Variants in VSTM4 observed in about 807,000 individuals in gnomAD.
VSTM4 encodes V-set and transmembrane domain containing 4, also known as V-set and transmembrane domain-containing protein 4.
In VSTM4, 20 loss-of-function variants were observed where a neutral mutation model predicts 36.4. That is an observed-to-expected ratio of 0.55 (90% CI 0.39 to 0.80). The LOEUF is 0.80. VSTM4 is among the 30% of genes least tolerant of loss of function. The pLI is 0.00. For missense variants in VSTM4, 392 were observed against 404.5 expected, an observed-to-expected ratio of 0.97 and a Z score of 0.26; for synonymous variants, 182 against 173.9, an observed-to-expected ratio of 1.05 and a Z score of -0.37.
In VSTM4 at chr10:49,108,144, C is replaced by A; in HGVS notation, c.56-149G>T. 1.0e-5 allele frequency: 12 copies of A among 1,156,784 alleles called. No homozygotes were observed. The South Asian group carries it at 1.3e-4, about 13-fold the overall frequency. The allele number at this position is 1,156,784 out of a possible 1,614,324, so 71.7% of individuals were successfully genotyped here. ...AGAAGCAGGCGGCCCCTCACCTCTCCAGAGGAGGGGTTCTTCTGGGGGTGA... is the reference window on the plus strand; with the variant it reads ...AGAAGCAGGCGGCCCCTCACCTCTCAAGAGGAGGGGTTCTTCTGGGGGTGA... On this transcript the variant is annotated intron_variant, in intron 1 of 7. Coordinates refer to ENST00000332853, the MANE Select transcript of VSTM4 (RefSeq NM_001031746.5).
In VSTM4 at chr10:49,016,727, G is replaced by C. The variant is rs537993237; in HGVS notation, c.*2923C>G. 1 of 152,334 alleles carries C rather than the reference G, an allele frequency of 6.6e-6. No homozygotes were observed. Among genetic ancestry groups the C allele is most frequent in the East Asian group, 1.9e-4 (1 of 5,186 alleles). The allele number at this position is 152,334 out of a possible 1,614,324, so 9.4% of individuals were successfully genotyped here. A position where few individuals can be genotyped will look rare whatever the true frequency, so the allele number is the denominator to read the frequency against. ...TGGCTTTTCCTTATTTTCCCTGTGA[G>C]CTAACAGAGTGGCGGTACATTCGTA... is the stretch of plus-strand genomic sequence containing the variant. On this transcript the variant is annotated 3_prime_UTR_variant, in exon 8 of 8. Coordinates refer to ENST00000332853, the MANE Select transcript of VSTM4 (RefSeq NM_001031746.5).
chr10:49,091,719 G>C (rs1844478381), intron 2 of VSTM4, among the ~76,000 whole-genome samples: 1 of 152,184 alleles, frequency 6.6e-6, no homozygotes, highest in South Asian at 2.1e-4. Context: ...ACGCTGACAT[G>C]CTTTGTCTAG....
intron 5 of VSTM4, among the ~76,000 whole-genome samples, chr10:49,062,476 A>G (rs1343920735): frequency 6.6e-6 from 1 of 152,128 alleles, no homozygotes; most frequent in Non-Finnish European, 1.5e-5. Flanking sequence ...TTATTTTGGT[A>G]TTTAAAAATG....
intron 2 of VSTM4, among the ~76,000 whole-genome samples, chr10:49,106,932 CA>C (rs933556952): frequency 1.3e-5 from 2 of 152,196 alleles, no homozygotes; most frequent in African/African-American, 4.8e-5. Flanking sequence ...TCAAGGCTGC[CA>C]AAAGCATTTA....
intron 7 of VSTM4, among the ~76,000 whole-genome samples, chr10:49,038,464 G>T (rs879767817): frequency 2.0e-5 from 3 of 152,154 alleles, no homozygotes; most frequent in African/African-American, 4.8e-5. Flanking sequence ...GGGTGGGAGT[G>T]GGGGGTGTTT....
chr10:49,077,391 G>A, intron 3 of VSTM4, 65 bp from the exon 4 acceptor site: 1 of 1,433,078 alleles, frequency 7.0e-7, no homozygotes, highest in South Asian at 1.2e-5. Flanking sequence ...GCGCTGGCAA[G>A]AGAACAATCA....
Position 49,046,965 on chromosome 10 carries a change from C to T in VSTM4, c.837+18G>A, listed in dbSNP as rs1165914484. 4 of 1,612,466 alleles carry T rather than the reference C, an allele frequency of 2.5e-6. No homozygotes were observed. The highest frequency in any genetic ancestry group is 1.1e-5 in the South Asian group (1 of 91,030). On this transcript the variant is annotated intron_variant, in intron 7 of 7. Transcript: ENST00000332853. ...TGAGGCTTAAGGTATGATAGGAATACAGAAGACGGTTACTTACCAGCGTGA... is the reference window on the plus strand; with the variant it reads ...TGAGGCTTAAGGTATGATAGGAATATAGAAGACGGTTACTTACCAGCGTGA...
intron 4 of VSTM4, among the ~76,000 whole-genome samples, chr10:49,069,062 C>T (rs966670264): frequency 6.6e-5 from 10 of 152,004 alleles, no homozygotes; most frequent in African/African-American, 2.4e-4. Context: ...AACCATGCTG[C>T]TCACACTCTC....
chr10:49,029,874 C>A (rs1843318855), intron 7 of VSTM4, among the ~76,000 whole-genome samples: 1 of 152,236 alleles, frequency 6.6e-6, no homozygotes, highest in Non-Finnish European at 1.5e-5. Flanking sequence ...GAACCCAAGA[C>A]TTCCCAAAGA....
intron 2 of VSTM4, among the ~76,000 whole-genome samples, chr10:49,089,751 C>T (rs1489663521): frequency 3.3e-5 from 5 of 152,212 alleles, no homozygotes; most frequent in East Asian, 1.9e-4. Flanking sequence ...GCCAGATCTT[C>T]GGGAATTTTC....
At chr10:49,030,407 A>G (rs1301694948) in intron 7 of VSTM4, among the ~76,000 whole-genome samples, 1 of 152,174 alleles carries the variant, frequency 6.6e-6, no homozygotes, top group African/African-American at 2.4e-5. Context: ...GGAGGCACCA[A>G]ACGCCCCACC....
chr10:49,047,339 G>A (rs1373481362), intron 6 of VSTM4, among the ~76,000 whole-genome samples: 1 of 152,160 alleles, frequency 6.6e-6, no homozygotes, highest in Non-Finnish European at 1.5e-5. Context: ...AGTGAAGGCT[G>A]AAGCTGGGAC....
intron 1 of VSTM4, among the ~76,000 whole-genome samples, chr10:49,110,885 C>T (rs1844881223): frequency 6.6e-6 from 1 of 152,208 alleles, no homozygotes; most frequent in South Asian, 2.1e-4. Context: ...ACAGCGTAAG[C>T]ACACTAATCC....
intron 5 of VSTM4, among the ~76,000 whole-genome samples, chr10:49,049,098 C>T (rs1037275151): frequency 5.9e-5 from 9 of 152,160 alleles, no homozygotes; most frequent in African/African-American, 1.7e-4. Context: ...GGAGCTGCAC[C>T]TGGATGTGTC....
chr10:49,040,204 T>A (rs1161726253), intron 7 of VSTM4, among the ~76,000 whole-genome samples: 1 of 152,242 alleles, frequency 6.6e-6, no homozygotes, highest in Non-Finnish European at 1.5e-5. Flanking sequence ...AGCAGGTTGT[T>A]GTGTTTGGTT....
chr10:49,107,734 C>G lies in VSTM4; in HGVS notation c.317G>C (p.Arg106Pro). ...GACGGAGAGCCTGTAGAGCGCCCCC[C>G]GCTGCTCCTCCAGCAGGCGCAGCCT... ...RRRLRLLEEQRGALYRLSVLT... is the reference protein window; with the variant it reads ...RRRLRLLEEQPGALYRLSVLT... The change falls in exon 2 of 8, where the codon CGG becomes CCG. Residue 106 changes from arginine to proline, a missense_variant. Physicochemically the swap from Arg to Pro is moderately radical, Grantham distance 103 (BLOSUM62 -2). Transcript: ENST00000332853. 6.2e-7 allele frequency: 1 copy of G among 1,614,190 alleles called. No individual in the cohort carries two copies. Among genetic ancestry groups the G allele is most frequent in the Non-Finnish European group, 8.5e-7 (1 of 1,180,050 alleles).
intron 2 of VSTM4, among the ~76,000 whole-genome samples, chr10:49,091,968 G>A (rs1443615979): frequency 6.6e-6 from 1 of 152,164 alleles, no homozygotes; most frequent in Non-Finnish European, 1.5e-5. Context: ...GGGCCCTGGC[G>A]GGCCAAGAGG....
At chr10:49,103,401 G>T in intron 2 of VSTM4, 1 of 482,748 alleles carries the variant, frequency 2.1e-6, no homozygotes, top group Non-Finnish European at 2.7e-6. Context: ...TGACAGGAAG[G>T]ATTTGCACTG....
rs1843083557 is a variant in VSTM4, at chr10:49,015,061, G to A, written c.*4589C>T. The A allele has an allele frequency of 6.6e-6, 1 of 151,930 alleles. No homozygotes were observed. Among genetic ancestry groups the A allele is most frequent in the African/African-American group, 2.4e-5 (1 of 41,308 alleles). 9.4% of individuals were successfully genotyped at this position (151,930 alleles called of 1,614,324 possible). A position where few individuals can be genotyped will look rare whatever the true frequency, so the allele number is the denominator to read the frequency against. ...ACCAGAAGCATGGACATCCCTGGGA[G>A]CTTGTTAGAAACTCAGAATCCCAGG... On this transcript the variant is annotated 3_prime_UTR_variant, in exon 8 of 8. Transcript: ENST00000332853.
Sources: gnomAD v4.1 joint callset for allele counts (sites outside exome capture counted in the v4.1 genomes callset) on GRCh38, gnomAD v4.1.1 for gene constraint, MANE v1.5 for transcripts, NCBI Gene and HGNC (gene_info 2026-07-23, HGNC 2026-07-21) for gene names.